The following ACYP2 variants were observed in gnomAD, a reference collection of about 807,000 sequenced individuals.
ACYP2 encodes acylphosphatase 2, also known as acylphosphatase-2.
Under a neutral mutation model 11.2 loss-of-function variants are expected in ACYP2, and 12 were observed. That is an observed-to-expected ratio of 1.08 (90% confidence interval 0.69 to 1.74). ACYP2 has a LOEUF of 1.74. Ranked by LOEUF, ACYP2 falls within the 40% of genes most tolerant of loss-of-function variation. ACYP2 has a pLI of 0.00. For synonymous variants in ACYP2, 43 were observed against 32.2 expected (o/e 1.33, Z -1.13); for missense variants, 134 against 101.9 (o/e 1.31, Z -1.35).
chr2:54,113,689 G>C (rs1280303260), intron 4 of ACYP2, among the ~76,000 whole-genome samples: 1 of 152,188 alleles, frequency 6.6e-6, no homozygotes, highest in African/African-American at 2.4e-5. Context: ...AGAGATGACT[G>C]AGCGGGATAG....
At chr2:53,997,720 A>G (rs1032185561) in intron 2 of ACYP2, among the ~76,000 whole-genome samples, 7 of 152,202 alleles carry the variant, frequency 4.6e-5, no homozygotes, top group Non-Finnish European at 1.0e-4. Context: ...CAACTACTCC[A>G]TGACTGAATT....
intron 4 of ACYP2, among the ~76,000 whole-genome samples, chr2:54,123,840 G>A (rs1326523472): frequency 6.6e-6 from 1 of 152,190 alleles, no homozygotes; most frequent in Non-Finnish European, 1.5e-5. Flanking sequence ...CCCTGTTGAA[G>A]AGCTGTCTTG....
At chr2:54,018,730 A>G (rs1057106468) in intron 2 of ACYP2, among the ~76,000 whole-genome samples, 2 of 152,118 alleles carry the variant, frequency 1.3e-5, no homozygotes, top group African/African-American at 2.4e-5. Context: ...TGCAAAATCA[A>G]TCGCTATCTG....
chr2:54,164,891 G>C (rs1682883447), intron 6 of ACYP2, among the ~76,000 whole-genome samples: 1 of 152,154 alleles, frequency 6.6e-6, no homozygotes, highest in Non-Finnish European at 1.5e-5. Context: ...GCCTGGGTGT[G>C]TGATGTTCCC....
chr2:54,024,902 A>G (rs1674197273), intron 2 of ACYP2, among the ~76,000 whole-genome samples: 2 of 152,224 alleles, frequency 1.3e-5, no homozygotes, highest in South Asian at 4.1e-4. Flanking sequence ...CAGAATACAA[A>G]AATCAGTGTA....
intron 6 of ACYP2, among the ~76,000 whole-genome samples, chr2:54,259,340 A>G (rs183952344): frequency 4.6e-5 from 7 of 152,352 alleles, no homozygotes; most frequent in Admixed American, 1.3e-4. Flanking sequence ...GATAATCAGC[A>G]TGCATGGAAT....
rs1248129915 is a variant in ACYP2, at chr2:54,115,773, CG to C, written c.278-19678del. On this transcript the variant is annotated intron_variant, in intron 4 of 6. Coordinates refer to ENST00000607452, the MANE Select transcript of ACYP2 (RefSeq NM_001320586.2). Reference sequence around the variant, plus strand: ...GAGTGCAGGGTAGGAGGCCCCTCTACGGTGGGAGATCAAAAAGGTTATGGGA... The same window carrying C: ...GAGTGCAGGGTAGGAGGCCCCTCTACGTGGGAGATCAAAAAGGTTATGGGA... 1.9e-6 allele frequency: 3 copies of C among 1,588,060 alleles called. No individual in the cohort carries two copies. Among genetic ancestry groups the C allele is most frequent in the Non-Finnish European group, 2.6e-6 (3 of 1,167,936 alleles).
intron 2 of ACYP2, among the ~76,000 whole-genome samples, chr2:53,992,572 T>C (rs1200750397): frequency 6.6e-6 from 1 of 152,176 alleles, no homozygotes; most frequent in South Asian, 2.1e-4. Context: ...GGCTCACGCC[T>C]GTAATCCCAG....
chr2:54,051,566 A>G (rs1675868673), intron 3 of ACYP2: 2 of 743,174 alleles, frequency 2.7e-6, no homozygotes, highest in Admixed American at 1.8e-5. Flanking sequence ...TGGCCTGTCC[A>G]TTGGTGATGT....
chr2:54,149,584 A>G (rs982397530), intron 6 of ACYP2, among the ~76,000 whole-genome samples: 17 of 152,210 alleles, frequency 1.1e-4, no homozygotes, highest in Non-Finnish European at 8.8e-5. Flanking sequence ...TATGACACTG[A>G]GCATAAGCCT....
chr2:54,027,611 A>G (rs767254893), intron 2 of ACYP2, among the ~76,000 whole-genome samples: 5 of 152,094 alleles, frequency 3.3e-5, no homozygotes, highest in African/African-American at 7.2e-5. Flanking sequence ...TCTGTCTTTT[A>G]TTATAGAGGT....
At chr2:54,166,616 G>A (rs1463768895) in intron 6 of ACYP2, among the ~76,000 whole-genome samples, 1 of 152,156 alleles carries the variant, frequency 6.6e-6, no homozygotes, top group East Asian at 1.9e-4. Flanking sequence ...TGTGAAATAT[G>A]CCAAGCACAG....
At chr2:54,275,364 A>G (rs1204627307) in intron 6 of ACYP2, among the ~76,000 whole-genome samples, 1 of 152,198 alleles carries the variant, frequency 6.6e-6, no homozygotes, top group Non-Finnish European at 1.5e-5. Context: ...TCCCAACCAC[A>G]GGAAACTGAG....
intron 2 of ACYP2, chr2:54,029,559 G>T (rs1326382220): frequency 5.0e-6 from 2 of 398,142 alleles, no homozygotes; most frequent in East Asian, 1.2e-4. Context: ...GTCTTCTCTG[G>T]GTGGAGCTGA....
intron 6 of ACYP2, chr2:54,255,420 G>A (rs1274175234): frequency 1.9e-6 from 3 of 1,613,968 alleles, no homozygotes; most frequent in African/African-American, 1.3e-5. Context: ...TATTGCGAAT[G>A]ATGTCATTCC....
chr2:54,229,883 A>C (rs1185532835), intron 6 of ACYP2, among the ~76,000 whole-genome samples: 59 of 152,160 alleles, frequency 3.9e-4, no homozygotes, highest in Admixed American at 3.8e-3. Context: ...GGCATTTGTC[A>C]TGTTCTGTCC....
intron 6 of ACYP2, among the ~76,000 whole-genome samples, chr2:54,241,810 C>A (rs1184517370): frequency 6.6e-6 from 1 of 152,294 alleles, no homozygotes; most frequent in African/African-American, 2.4e-5. Flanking sequence ...GTCAGGAGTT[C>A]AGGACCAGCC....
Position 54,114,793 on chromosome 2 carries a change from T to C in ACYP2, c.278-20660T>C, listed in dbSNP as rs1022022533. ...CACTAGCATAAAAGACTTCATATTT[T>C]TAAAAAGTTTCTTATCCCAGAAAAT... On this transcript the variant is annotated intron_variant, in intron 4 of 6. Transcript: ENST00000607452. Among the ~76,000 whole-genome samples, 3 of 152,040 alleles carry C rather than the reference T, an allele frequency of 2.0e-5. No homozygotes were observed. The East Asian group carries it at 5.9e-4, about 30-fold the overall frequency.
intron 4 of ACYP2, among the ~76,000 whole-genome samples, chr2:54,113,865 G>C (rs192011822): frequency 6.6e-6 from 1 of 151,898 alleles, no homozygotes; most frequent in Non-Finnish European, 1.5e-5. Flanking sequence ...GAAGACCTTA[G>C]GTTCTATTTT....
Sources: gnomAD v4.1 joint callset for allele counts (sites outside exome capture counted in the v4.1 genomes callset) on GRCh38, gnomAD v4.1.1 for gene constraint, MANE v1.5 for transcripts, NCBI Gene and HGNC (gene_info 2026-07-23, HGNC 2026-07-21) for gene names.